Variants in BBX observed in about 807,000 individuals in gnomAD.
BBX encodes BBX high mobility group box domain containing.
BBX carries 30 observed loss-of-function variants against 100.2 expected under a neutral mutation model. The observed-to-expected ratio is 0.30, with a 90% CI of 0.22 to 0.41. The LOEUF (loss-of-function observed/expected upper bound fraction) is 0.41. Among genes scored for constraint, BBX ranks in the 10% least tolerant of loss-of-function variants. The probability of loss-of-function intolerance (pLI) is 1.00; values close to 1 mark genes in which losing one functional copy is unlikely to be tolerated. For synonymous variants in BBX, 376 were observed against 388.1 expected, an observed-to-expected ratio of 0.97 and a Z score of 0.37; for missense variants, 1,023 against 1,129.8, an observed-to-expected ratio of 0.91 and a Z score of 1.35.
intron 17 of BBX, among the ~76,000 whole-genome samples, chr3:107,803,948 T>G (rs2108057685): frequency 1.4e-4 from 1 of 7,326 alleles, no homozygotes; most frequent in East Asian, 4.1e-3. Flanking sequence ...CTTTTCATCT[T>G]TTTTGTTTTT....
intron 2 of BBX, among the ~76,000 whole-genome samples, chr3:107,615,494 C>T (rs1225284941): frequency 1.3e-5 from 2 of 152,100 alleles, no homozygotes; most frequent in Non-Finnish European, 2.9e-5. Context: ...AGCAAGGCTG[C>T]TCTCTGGGGC....
At chr3:107,801,467 C>T (rs2070464675) in intron 17 of BBX, among the ~76,000 whole-genome samples, 186 bp downstream of exon 17, 1 of 152,188 alleles carries the variant, frequency 6.6e-6, no homozygotes, top group Admixed American at 6.5e-5. Context: ...GGAATATAGT[C>T]AGCCAAGTAT....
intron 10 of BBX, among the ~76,000 whole-genome samples, chr3:107,765,457 ATG>A (rs371357877): frequency 7.7e-5 from 11 of 143,664 alleles, no homozygotes; most frequent in Non-Finnish European, 1.6e-4. Context: ...GTGGGTGTGT[ATG>A]TGTGTGTGTG....
intron 2 of BBX, among the ~76,000 whole-genome samples, chr3:107,528,082 G>A (rs938008298): frequency 2.6e-5 from 4 of 152,166 alleles, no homozygotes; most frequent in Non-Finnish European, 5.9e-5. Context: ...ATATTTTCAA[G>A]AACAGTCTTG....
chr3:107,735,020 A>G (rs976532391), intron 7 of BBX, among the ~76,000 whole-genome samples: 17 of 152,180 alleles, frequency 1.1e-4, no homozygotes, highest in Non-Finnish European at 1.8e-4. Flanking sequence ...ATCACTTCAA[A>G]GAACACAACT....
intron 13 of BBX, among the ~76,000 whole-genome samples, chr3:107,787,347 T>C (rs1397960659): frequency 6.6e-6 from 1 of 152,200 alleles, no homozygotes; most frequent in African/African-American, 2.4e-5. Flanking sequence ...TATTCAGCCC[T>C]GATACATGCC....
chr3:107,716,862 G>T lies in BBX; in HGVS notation c.405+13G>T. The T allele has an allele frequency of 6.2e-7, 1 of 1,611,708 alleles. No homozygotes were observed. Among genetic ancestry groups the T allele is most frequent in the South Asian group, 1.1e-5 (1 of 90,922 alleles). ...CATGGCCAAGGAGGTAGGTTACAATGACAAGGTATTCTGATAGCTAAAAGC... is the reference window on the plus strand; with the variant it reads ...CATGGCCAAGGAGGTAGGTTACAATTACAAGGTATTCTGATAGCTAAAAGC... On this transcript the variant is annotated intron_variant, in intron 5 of 17. Transcript: ENST00000325805.
intron 3 of BBX, among the ~76,000 whole-genome samples, chr3:107,664,591 T>C (rs2107880386): frequency 6.6e-6 from 1 of 152,320 alleles, no homozygotes; most frequent in East Asian, 1.9e-4. Context: ...TTGTCACTCA[T>C]ACCTTTTCTC....
chr3:107,750,465 A>G (rs1179992069), intron 9 of BBX, among the ~76,000 whole-genome samples: 2 of 152,212 alleles, frequency 1.3e-5, no homozygotes, highest in East Asian at 1.9e-4. Flanking sequence ...TCCTAGTTAT[A>G]TTTTGTAACC....
chr3:107,781,822 C>T (rs2067920405), intron 13 of BBX, among the ~76,000 whole-genome samples: 1 of 151,998 alleles, frequency 6.6e-6, no homozygotes, highest in Non-Finnish European at 1.5e-5. Context: ...TATATTTTTT[C>T]AATCCACACT....
intron 2 of BBX, among the ~76,000 whole-genome samples, chr3:107,617,527 A>C (rs2055387277): frequency 6.6e-6 from 1 of 152,088 alleles, no homozygotes; most frequent in South Asian, 2.1e-4. Flanking sequence ...CTCTTCAGTT[A>C]CTGAGATCTC....
At chr3:107,585,310 C>T (rs2052749843) in intron 2 of BBX, among the ~76,000 whole-genome samples, 1 of 152,100 alleles carries the variant, frequency 6.6e-6, no homozygotes. Flanking sequence ...ACCATTGACA[C>T]ATATTTTTAA....
chr3:107,727,571 T>TA (rs1277220069), intron 5 of BBX, among the ~76,000 whole-genome samples: 3 of 152,084 alleles, frequency 2.0e-5, no homozygotes, highest in Non-Finnish European at 2.9e-5. Flanking sequence ...ATCTTACAGG[T>TA]AAAAAAATGG....
chr3:107,789,444 G>A (rs1196153674), intron 13 of BBX, among the ~76,000 whole-genome samples: 1 of 152,146 alleles, frequency 6.6e-6, no homozygotes, highest in African/African-American at 2.4e-5. Context: ...ATGGTATTTA[G>A]GAGTCTAAAG....
Position 107,639,029 on chromosome 3 carries a change from T to C in BBX, c.-83-6807T>C, listed in dbSNP as rs113325856. On this transcript the variant is annotated intron_variant, in intron 2 of 17. Coordinates refer to ENST00000325805, the MANE Select transcript of BBX (RefSeq NM_001142568.3). ...TATGTTATAATTTTTGATCATAATA[T>C]GCTGTTAAGTGATATTTAATGTATT... Among the ~76,000 whole-genome samples, 15 of 152,036 alleles carry C rather than the reference T, an allele frequency of 9.9e-5. 1 individual carries two copies. Among genetic ancestry groups the C allele is most frequent in the Admixed American group, 6.5e-5 (1 of 15,274 alleles).
At chr3:107,658,830 T>C (rs1033561029) in intron 3 of BBX, among the ~76,000 whole-genome samples, 4 of 152,166 alleles carry the variant, frequency 2.6e-5, no homozygotes, top group African/African-American at 9.6e-5. Flanking sequence ...AACATTTAAA[T>C]AGCTTGTCTG....
intron 6 of BBX, among the ~76,000 whole-genome samples, chr3:107,729,268 C>G (rs902483720): frequency 6.6e-6 from 1 of 152,040 alleles, no homozygotes; most frequent in African/African-American, 2.4e-5. Context: ...CACAAAATAG[C>G]TTACACACAC....
intron 3 of BBX, among the ~76,000 whole-genome samples, chr3:107,691,025 A>G (rs2060137744): frequency 6.7e-6 from 1 of 148,324 alleles, no homozygotes; most frequent in African/African-American, 2.5e-5. Flanking sequence ...TCCCACCTCA[A>G]CCTCCTAAGT....
chr3:107,717,172 GTTTA>G (rs1226858852), intron 5 of BBX, among the ~76,000 whole-genome samples: 2 of 152,124 alleles, frequency 1.3e-5, no homozygotes, highest in South Asian at 2.1e-4. Flanking sequence ...ATGGTGATTT[GTTTA>G]TTTATCATGG....
Sources: gnomAD v4.1 joint callset for allele counts (sites outside exome capture counted in the v4.1 genomes callset) on GRCh38, gnomAD v4.1.1 for gene constraint, MANE v1.5 for transcripts, NCBI Gene and HGNC (gene_info 2026-07-23, HGNC 2026-07-21) for gene names.